FAM169A: variants seen among roughly 807,000 people sequenced by gnomAD.
FAM169A encodes the protein family with sequence similarity 169 member A.
A neutral mutation model predicts 75.7 loss-of-function variants in FAM169A; 24 were observed. The observed-to-expected ratio is 0.32, with a 90% CI of 0.23 to 0.45. FAM169A has a LOEUF of 0.45. Ranked by LOEUF, FAM169A falls within the 20% of genes least tolerant of loss-of-function variation. The pLI is 1.00. For synonymous variants in FAM169A, 271 were observed against 271.0 expected, an observed-to-expected ratio of 1.00 and a Z score of 0.00; for missense variants, 673 against 784.0, an observed-to-expected ratio of 0.86 and a Z score of 1.69.
At chr5:74,842,820 T>C (rs1159640433) in intron 1 of FAM169A, among the ~76,000 whole-genome samples, 1 of 143,902 alleles carries the variant, frequency 6.9e-6, no homozygotes, top group Non-Finnish European at 1.5e-5. Context: ...TAACATTATG[T>C]AGGCAATGAT....
intron 6 of FAM169A, among the ~76,000 whole-genome samples, chr5:74,807,689 T>C (rs1746960544): frequency 6.6e-6 from 1 of 152,210 alleles, no homozygotes; most frequent in Non-Finnish European, 1.5e-5. Flanking sequence ...ATGTATGTAA[T>C]AAAAATACTG....
At chr5:74,815,000 C>T (rs1262096880) in intron 5 of FAM169A, among the ~76,000 whole-genome samples, 3 of 152,106 alleles carry the variant, frequency 2.0e-5, no homozygotes, top group African/African-American at 7.2e-5. Context: ...AATTGTCTTA[C>T]CAATCATATC....
intron 10 of FAM169A, chr5:74,799,931 G>A: frequency 1.2e-6 from 1 of 847,912 alleles, no homozygotes; most frequent in Non-Finnish European, 2.1e-6. Flanking sequence ...CCACGACTGA[G>A]GGCTCCAACA....
chr5:74,790,053 ATCGG>A (rs1745894838), intron 11 of FAM169A, among the ~76,000 whole-genome samples: 1 of 152,178 alleles, frequency 6.6e-6, no homozygotes, highest in African/African-American at 2.4e-5. Flanking sequence ...TATATATGTG[ATCGG>A]GCTTGAGCAG....
rs1282585866 is a variant in FAM169A, at chr5:74,780,785, G to C, written c.*675C>G. The C allele has an allele frequency of 1.3e-5, 2 of 152,124 alleles. No individual in the cohort carries two copies. The highest frequency in any genetic ancestry group is 4.8e-5 in the African/African-American group (2 of 41,442). The allele number at this position is 152,124 out of a possible 1,614,324, so 9.4% of individuals were successfully genotyped here. A position where few individuals can be genotyped will look rare whatever the true frequency, so the allele number is the denominator to read the frequency against. ...ACATGCCACAGTTAAATCCCTGACA[G>C]TACTGTTAACATCAGATGATAGAAT... On this transcript the variant is annotated 3_prime_UTR_variant, in exon 13 of 13. Transcript: ENST00000687041.
intron 4 of FAM169A, among the ~76,000 whole-genome samples, chr5:74,834,999 T>TAAAAAAAAA (rs34697673): frequency 1.5e-5 from 2 of 131,128 alleles, no homozygotes. Context: ...TCTCCACATT[T>TAAAAAAAAA]AAAAAAAAAA....
In FAM169A at chr5:74,795,224, C is replaced by T. The variant is rs181298454; in HGVS notation, c.1260+806G>A. On this transcript the variant is annotated intron_variant, in intron 11 of 12. Coordinates refer to ENST00000687041, the MANE Select transcript of FAM169A (RefSeq NM_001376049.1). ...AGTGAGCCAAGATCACGCCACTGCA[C>T]TCCAGCCTGGGTGCAAAGAGCAAAA... Among the ~76,000 whole-genome samples the T allele has an allele frequency of 3.6e-3, 548 of 152,274 alleles. 6 individuals carry two copies. Among genetic ancestry groups the T allele is most frequent in the African/African-American group, 0.013 (526 of 41,558 alleles).
At chr5:74,829,829 C>T (rs1309423184) in intron 5 of FAM169A, among the ~76,000 whole-genome samples, 4 of 152,084 alleles carry the variant, frequency 2.6e-5, no homozygotes, top group Admixed American at 6.5e-5. Context: ...CAAAATTAGC[C>T]GGGCGTAATG....
chr5:74,813,736 C>T, intron 6 of FAM169A, 104 bp downstream of exon 6: 1 of 830,080 alleles, frequency 1.2e-6, no homozygotes, highest in Non-Finnish European at 1.7e-6. Context: ...CCTAAGGTTC[C>T]AAATTTATGT....
At chr5:74,856,622 A>G (rs1312698301) in intron 1 of FAM169A, among the ~76,000 whole-genome samples, 1 of 152,054 alleles carries the variant, frequency 6.6e-6, no homozygotes, top group Admixed American at 6.6e-5. Context: ...TTAATCATCC[A>G]TTGCTGAAGG....
intron 6 of FAM169A, among the ~76,000 whole-genome samples, chr5:74,812,425 C>T (rs1215832216): frequency 6.6e-6 from 1 of 151,946 alleles, no homozygotes; most frequent in Non-Finnish European, 1.5e-5. Context: ...CCATACCCAG[C>T]CAATGCCTTA....
intron 4 of FAM169A, among the ~76,000 whole-genome samples, chr5:74,836,947 A>C (rs76217200): frequency 6.6e-6 from 1 of 150,836 alleles, no homozygotes; most frequent in Non-Finnish European, 1.5e-5. Context: ...CTGTGTCAAA[A>C]AAAAAAAAAA....
At chr5:74,821,747 G>T (rs1274929696) in intron 5 of FAM169A, among the ~76,000 whole-genome samples, 1 of 152,126 alleles carries the variant, frequency 6.6e-6, no homozygotes, top group Non-Finnish European at 1.5e-5. Context: ...AATCATGAAG[G>T]AACTGTTTCA....
At chr5:74,818,841 C>A (rs11747965) in intron 5 of FAM169A, among the ~76,000 whole-genome samples, 52,792 of 147,806 alleles carry the variant, frequency 0.36, 12,559 homozygotes, top group African/African-American at 0.68. Context: ...GCACAATTTT[C>A]AACTTTAAAT....
At chr5:74,810,642 C>A (rs1200124505) in intron 6 of FAM169A, among the ~76,000 whole-genome samples, 1 of 148,046 alleles carries the variant, frequency 6.8e-6, no homozygotes, top group East Asian at 2.1e-4. Context: ...CCCAGCTACT[C>A]GGGAGGCTGA....
intron 5 of FAM169A, among the ~76,000 whole-genome samples, chr5:74,830,217 A>G (rs1748243679): frequency 6.6e-6 from 1 of 152,166 alleles, no homozygotes; most frequent in Non-Finnish European, 1.5e-5. Context: ...ATGATGGGGA[A>G]CTTGCAACTT....
chr5:74,835,174 C>A (rs1748506840), intron 4 of FAM169A, among the ~76,000 whole-genome samples: 1 of 152,010 alleles, frequency 6.6e-6, no homozygotes, highest in Admixed American at 6.6e-5. Flanking sequence ...GACGGGGATA[C>A]CAAAGAAGTC....
At chr5:74,819,786 A>G (rs565586007) in intron 5 of FAM169A, among the ~76,000 whole-genome samples, 1 of 152,340 alleles carries the variant, frequency 6.6e-6, no homozygotes, top group Admixed American at 6.5e-5. Flanking sequence ...TATGCTAAAC[A>G]AAAGACGCCA....
intron 1 of FAM169A, among the ~76,000 whole-genome samples, chr5:74,863,543 T>A (rs902609423): frequency 1.3e-5 from 2 of 152,242 alleles, no homozygotes; most frequent in Non-Finnish European, 1.5e-5. Context: ...ACTACATGAA[T>A]ACTCAACTCT....
Sources: allele counts gnomAD v4.1 joint callset (sites outside exome capture counted in the v4.1 genomes callset), GRCh38; gene constraint gnomAD v4.1.1; transcripts MANE v1.5; gene names NCBI Gene and HGNC (gene_info 2026-07-23, HGNC 2026-07-21).